Variants in ANKDD1A observed in about 807,000 individuals in gnomAD.
The protein encoded by ANKDD1A is ankyrin repeat and death domain-containing protein 1A.
In ANKDD1A, 59 loss-of-function variants were observed where a neutral mutation model predicts 63.5. The ratio of observed to expected loss-of-function variants is 0.93; its 90% CI spans 0.75 to 1.15. The LOEUF (loss-of-function observed/expected upper bound fraction) is 1.15, where lower values mean the gene tolerates loss of function less well. Ranked by LOEUF, ANKDD1A falls within the 50% of genes most tolerant of loss-of-function variation. The pLI is 0.00. For synonymous variants in ANKDD1A, 266 were observed against 263.9 expected (o/e 1.01, Z -0.08); for missense variants, 632 against 656.4 (o/e 0.96, Z 0.41).
intron 2 of ANKDD1A, among the ~76,000 whole-genome samples, chr15:64,916,171 G>T (rs2084967046): frequency 6.6e-6 from 1 of 152,186 alleles, no homozygotes; most frequent in Admixed American, 6.5e-5. Flanking sequence ...ACCCATCTGA[G>T]AGGTTAGAGC....
intron 9 of ANKDD1A, among the ~76,000 whole-genome samples, chr15:64,941,425 T>C (rs1457156201): frequency 6.6e-6 from 1 of 152,214 alleles, no homozygotes; most frequent in Admixed American, 6.5e-5. Context: ...TGTAAGGGCC[T>C]TCCTGCTGTG....
chr15:64,920,330 A>G (rs560435899), intron 3 of ANKDD1A, among the ~76,000 whole-genome samples: 1 of 152,120 alleles, frequency 6.6e-6, no homozygotes, highest in Non-Finnish European at 1.5e-5. Flanking sequence ...GTGGAGGAAG[A>G]GCACCCTGCA....
chr15:64,939,479 G>A (rs1016467115), intron 9 of ANKDD1A, among the ~76,000 whole-genome samples: 1 of 152,156 alleles, frequency 6.6e-6, no homozygotes, highest in African/African-American at 2.4e-5. Flanking sequence ...AGCTGAGCTG[G>A]AGGCACGTGC....
At chr15:64,933,045 C>T (rs1178453619) in intron 8 of ANKDD1A, among the ~76,000 whole-genome samples, 1 of 151,940 alleles carries the variant, frequency 6.6e-6, no homozygotes, top group Non-Finnish European at 1.5e-5. Context: ...TTTGCTCCAA[C>T]CTCAGCTTGT....
Position 64,915,900 on chromosome 15 carries a change from C to T in ANKDD1A, c.138C>T (p.His46=), listed in dbSNP as rs367929266. 237 of 1,612,856 alleles carry T rather than the reference C, an allele frequency of 1.5e-4. No homozygotes were observed. The highest frequency in any genetic ancestry group is 1.8e-4 in the Non-Finnish European group (210 of 1,179,412). Residue 46 remains histidine, a splice_region_variant and synonymous_variant, in exon 2 of 15, where the codon CAC becomes CAT. Coordinates refer to ENST00000319580, the MANE Select transcript of ANKDD1A (RefSeq NM_182703.6). Reference sequence around the variant, plus strand: ...GGGTTAACACCAGGGCCAGAAACCACGTGCGTAATGAGCTTCTCTGAATCC... The same window carrying T: ...GGGTTAACACCAGGGCCAGAAACCATGTGCGTAATGAGCTTCTCTGAATCC... The part of the protein sequence containing the change: ...GRRVNTRARN[H]VGRVALHWAA...
chr15:64,926,889 C>T lies in ANKDD1A; in HGVS notation c.472-12C>T, dbSNP rs144154294. ...AGTGAGGAAGGCTCACACCGCTTCT[C>T]CTCCCGGCCAGCTGGGGAGGACGGC... On this transcript the variant is annotated splice_polypyrimidine_tract_variant and intron_variant, in intron 5 of 14. Transcript: ENST00000319580. The T allele has an allele frequency of 6.2e-7, 1 of 1,614,050 alleles. No homozygotes were observed. Among genetic ancestry groups the T allele is most frequent in the Non-Finnish European group, 8.5e-7 (1 of 1,179,968 alleles).
Position 64,949,833 on chromosome 15 carries a change from G to C in ANKDD1A, c.1352-8G>C. The C allele has an allele frequency of 6.2e-7, 1 of 1,600,372 alleles. No individual in the cohort carries two copies. Among genetic ancestry groups the C allele is most frequent in the Non-Finnish European group, 8.5e-7 (1 of 1,179,448 alleles). On this transcript the variant is annotated splice_region_variant and splice_polypyrimidine_tract_variant and intron_variant, in intron 13 of 14. Transcript: ENST00000319580. ...CTCCCTCTCTCTCTCCTCCCTCACT[G>C]TTCTCAGGCACCAGGAGCTATCAGG...
At chr15:64,924,863 T>A (rs1235656000) in intron 4 of ANKDD1A, among the ~76,000 whole-genome samples, 1 of 152,192 alleles carries the variant, frequency 6.6e-6, no homozygotes, top group Non-Finnish European at 1.5e-5. Context: ...CTATGGAATT[T>A]GGGAAGAACA....
chr15:64,943,660 C>T (rs1295171871), intron 11 of ANKDD1A, 78 bp downstream of exon 11: 11 of 1,236,160 alleles, frequency 8.9e-6, no homozygotes, highest in Non-Finnish European at 1.3e-5. Context: ...CGAATGCCCC[C>T]TCCCTCCTCC....
Position 64,930,935 on chromosome 15 carries a change from G to A in ANKDD1A, c.669+15G>A, listed in dbSNP as rs1334620584. On this transcript the variant is annotated intron_variant, in intron 7 of 14. Transcript: ENST00000319580. ...AGCAGAATGCGGTGAGTCACCGCCT[G>A]GGGATGGCGAGATGCATGACCCTTG... 6.2e-7 allele frequency: 1 copy of A among 1,606,660 alleles called. No homozygotes were observed. Among genetic ancestry groups the A allele is most frequent in the Non-Finnish European group, 8.5e-7 (1 of 1,178,944 alleles).
chr15:64,945,015 A>G (rs568402762), intron 12 of ANKDD1A, among the ~76,000 whole-genome samples: 1 of 152,336 alleles, frequency 6.6e-6, no homozygotes, highest in South Asian at 2.1e-4. Flanking sequence ...TGATGAATGC[A>G]TGCGTGCATG....
chr15:64,952,357 CCTT>C (rs141609089), intron 14 of ANKDD1A, among the ~76,000 whole-genome samples: 4,403 of 140,802 alleles, frequency 0.031, 88 homozygotes, highest in African/African-American at 0.045. Flanking sequence ...AGTTCTTCCT[CCTT>C]CTTCTTTCTT....
intron 14 of ANKDD1A, among the ~76,000 whole-genome samples, chr15:64,952,123 TCTTTCTTC>T (rs2085299208): frequency 6.1e-5 from 1 of 16,274 alleles, no homozygotes; most frequent in African/African-American, 6.9e-5. Flanking sequence ...TTCTTTCTTC[TCTTTCTTC>T]TTCTTCCTTA....
At chr15:64,952,826 CCTTCTTCCTTT>C (rs2085321911) in intron 14 of ANKDD1A, among the ~76,000 whole-genome samples, 2 of 134,356 alleles carry the variant, frequency 1.5e-5, no homozygotes, top group Admixed American at 1.6e-4. Context: ...TCTTCCTCCT[CCTTCTTCCTTT>C]CTTCTCCTTG....
chr15:64,918,351 C>T (rs898255462), intron 3 of ANKDD1A, among the ~76,000 whole-genome samples: 2 of 152,228 alleles, frequency 1.3e-5, no homozygotes, highest in Non-Finnish European at 2.9e-5. Context: ...TCTCTCTGCT[C>T]CCAGGCCTCA....
In ANKDD1A at chr15:64,949,848, G is replaced by A; in HGVS notation, c.1359G>A (p.Arg453=). The A allele has an allele frequency of 1.9e-6, 3 of 1,601,748 alleles. No individual in the cohort carries two copies. The highest frequency in any genetic ancestry group is 2.2e-5 in the East Asian group (1 of 44,876). The change falls in exon 14 of 15, where the codon AGG becomes AGA. Residue 453 remains arginine, a synonymous_variant. Coordinates refer to ENST00000319580, the MANE Select transcript of ANKDD1A (RefSeq NM_182703.6). The part of the protein sequence containing the change: ...DAIEQQWTGT[R]SYQEHGHRML... ...CTCCCTCACTGTTCTCAGGCACCAG[G>A]AGCTATCAGGAGCACGGCCACCGAA...
chr15:64,956,232 CTTTTTTTTTTCT>C (rs2085415193), intron 14 of ANKDD1A, among the ~76,000 whole-genome samples: 1 of 96,354 alleles, frequency 1.0e-5, no homozygotes, highest in South Asian at 3.0e-4. Context: ...CTTTGGATTC[CTTTTTTTTTTCT>C]TTTTTTTTGA....
intron 8 of ANKDD1A, among the ~76,000 whole-genome samples, chr15:64,933,415 G>A (rs1297016281): frequency 6.6e-6 from 1 of 152,184 alleles, no homozygotes; most frequent in Non-Finnish European, 1.5e-5. Flanking sequence ...GCCCTTTGAG[G>A]CCCACCAAGA....
At chr15:64,953,845 TCTTCTTTCC>T (rs2085361815) in intron 14 of ANKDD1A, among the ~76,000 whole-genome samples, 92 of 14,038 alleles carry the variant, frequency 6.6e-3, no homozygotes, top group Non-Finnish European at 0.024. Flanking sequence ...CCTCTTCTTT[TCTTCTTTCC>T]TCTTCTTCCT....
Sources: allele counts gnomAD v4.1 joint callset (sites outside exome capture counted in the v4.1 genomes callset), GRCh38; gene constraint gnomAD v4.1.1; transcripts MANE v1.5; gene names NCBI Gene and HGNC (gene_info 2026-07-23, HGNC 2026-07-21).